Variants in DPP6 observed in about 807,000 individuals in gnomAD.
The protein encoded by DPP6 is dipeptidyl peptidase like 6.
In DPP6, 69 loss-of-function variants were observed where a neutral mutation model predicts 122.6. That is an observed-to-expected ratio of 0.56 (90% CI 0.46 to 0.69). The LOEUF (loss-of-function observed/expected upper bound fraction) is 0.69, where lower values mean the gene tolerates loss of function less well. DPP6 is among the 30% of genes least tolerant of loss of function. The pLI, the probability that DPP6 is intolerant of heterozygous loss-of-function variation, is 0.00. For synonymous variants in DPP6, 418 were observed against 433.1 expected, an observed-to-expected ratio of 0.97 and a Z score of 0.43; for missense variants, 928 against 1,116.9, an observed-to-expected ratio of 0.83 and a Z score of 2.41.
chr7:153,947,354 G>C (rs2129019316), intron 1 of DPP6, among the ~76,000 whole-genome samples: 1 of 152,302 alleles, frequency 6.6e-6, no homozygotes, highest in Non-Finnish European at 1.5e-5. Context: ...GGGAGGGTCT[G>C]TCTCAGGCCT....
intron 1 of DPP6, among the ~76,000 whole-genome samples, chr7:153,951,220 G>T (rs916903860): frequency 1.3e-5 from 2 of 152,190 alleles, no homozygotes; most frequent in East Asian, 3.9e-4. Flanking sequence ...GCTGAGAAGC[G>T]CATTGGAGGT....
chr7:153,772,497 A>T, the DPP6 span, among the ~76,000 whole-genome samples: 1 of 152,236 alleles, frequency 6.6e-6, no homozygotes, highest in African/African-American at 2.4e-5. Context: ...TAGGTTGATA[A>T]AAGAGATAAA....
chr7:154,872,542 C>T (rs969116470), intron 18 of DPP6, 82 bp from the exon 19 acceptor site: 16 of 1,524,610 alleles, frequency 1.0e-5, no homozygotes, highest in Non-Finnish European at 1.1e-5. Flanking sequence ...GCACCCTCAC[C>T]CCCACGGTCA....
At chr7:154,095,581 A>C (rs1805267927) in intron 1 of DPP6, 1 of 128,308 alleles carries the variant, frequency 7.8e-6, no homozygotes, top group African/African-American at 2.7e-5. Flanking sequence ...AAGCTTTAGC[A>C]GCTGGGCCTT....
intron 18 of DPP6, among the ~76,000 whole-genome samples, chr7:154,871,295 G>A (rs1182940164): frequency 6.6e-6 from 1 of 152,166 alleles, no homozygotes; most frequent in East Asian, 1.9e-4. Flanking sequence ...CTGTCCAGCA[G>A]GGGGTTTCCT....
At chr7:154,818,787 C>A (rs1799577827) in intron 16 of DPP6, among the ~76,000 whole-genome samples, 1 of 152,214 alleles carries the variant, frequency 6.6e-6, no homozygotes, top group East Asian at 1.9e-4. Flanking sequence ...TCTGTTCAGT[C>A]TCTCAAACAT....
At chr7:153,836,826 C>T in the DPP6 span, among the ~76,000 whole-genome samples, 4 of 152,168 alleles carry the variant, frequency 2.6e-5, no homozygotes, top group African/African-American at 4.8e-5. Context: ...CAGGGCTCTG[C>T]CCCATGAACA....
chr7:154,341,038 T>A (rs1381853539), intron 1 of DPP6, among the ~76,000 whole-genome samples: 1 of 152,212 alleles, frequency 6.6e-6, no homozygotes, highest in African/African-American at 2.4e-5. Context: ...AATTACATTC[T>A]CTAATGAATG....
At chr7:153,880,321 A>G in the DPP6 span, among the ~76,000 whole-genome samples, 1 of 152,250 alleles carries the variant, frequency 6.6e-6, no homozygotes, top group Admixed American at 6.5e-5. Flanking sequence ...ATAGATATGT[A>G]AAGTAATTTC....
At chr7:154,517,166 G>A (rs1365759427) in intron 3 of DPP6, among the ~76,000 whole-genome samples, 2 of 152,136 alleles carry the variant, frequency 1.3e-5, no homozygotes, top group Non-Finnish European at 2.9e-5. Flanking sequence ...AGCTCCCCTG[G>A]CAGGACTGGA....
intron 1 of DPP6, among the ~76,000 whole-genome samples, chr7:154,148,743 A>C (rs1796250750): frequency 6.6e-6 from 1 of 152,282 alleles, no homozygotes; most frequent in Non-Finnish European, 1.5e-5. Context: ...TAGGAATTTA[A>C]AATGCTTCCA....
At chr7:154,494,697 G>GA (rs1328062859) in intron 3 of DPP6, among the ~76,000 whole-genome samples, 1 of 152,084 alleles carries the variant, frequency 6.6e-6, no homozygotes, top group Non-Finnish European at 1.5e-5. Flanking sequence ...TTCTGCAAGA[G>GA]AAAAGACGCT....
intron 1 of DPP6, among the ~76,000 whole-genome samples, chr7:154,076,204 C>T (rs1367637770): frequency 2.6e-5 from 4 of 152,188 alleles, no homozygotes; most frequent in Admixed American, 1.3e-4. Flanking sequence ...AATCCCAGCG[C>T]TTTGGGAGGC....
Position 154,052,734 on chromosome 7 carries a change from A to C in DPP6, c.-87A>C. On this transcript the variant is annotated 5_prime_UTR_variant, in exon 1 of 26. Coordinates refer to ENST00000377770, the MANE Select transcript of DPP6 (RefSeq NM_130797.4). The surrounding 1 kb of genome is among the most constrained non-coding windows in gnomAD (Gnocchi z 4.8). The stretch of plus-strand genomic sequence containing the variant: ...CTCCCCACCGCCTTTTTTTTTTTTT[A>C]ATCTGGAGCGGGGTGGGGAGTGGGA... The C allele has an allele frequency of 8.2e-7, 1 of 1,216,372 alleles. No individual in the cohort carries two copies. The highest frequency in any genetic ancestry group is 1.0e-6 in the Non-Finnish European group (1 of 955,978). The allele number at this position is 1,216,372 out of a possible 1,614,324, so 75.3% of individuals were successfully genotyped here.
At chr7:154,484,011 T>A (rs573583011) in intron 3 of DPP6, among the ~76,000 whole-genome samples, 1 of 152,318 alleles carries the variant, frequency 6.6e-6, no homozygotes, top group East Asian at 1.9e-4. Context: ...ATTTTATTTA[T>A]GTTTGCAATT....
intron 10 of DPP6, among the ~76,000 whole-genome samples, chr7:154,776,382 C>G (rs1363135189): frequency 1.3e-5 from 2 of 152,170 alleles, no homozygotes; most frequent in East Asian, 3.9e-4. Context: ...AGCTCCTCCC[C>G]ACTTAGGTCC....
At chr7:153,806,486 G>T in the DPP6 span, among the ~76,000 whole-genome samples, 2,389 of 151,094 alleles carry the variant, frequency 0.016, 76 homozygotes, top group African/African-American at 0.056. Flanking sequence ...TACAGTGGGT[G>T]TGAGACTCAA....
chr7:154,236,485 G>C (rs1379873927), intron 1 of DPP6, among the ~76,000 whole-genome samples: 2 of 152,122 alleles, frequency 1.3e-5, no homozygotes, highest in Non-Finnish European at 2.9e-5. Context: ...TCTCAAAGTA[G>C]TTTAAATTCT....
intron 1 of DPP6, among the ~76,000 whole-genome samples, chr7:154,226,816 G>A (rs1446169592): frequency 6.6e-6 from 1 of 152,180 alleles, no homozygotes; most frequent in African/African-American, 2.4e-5. Context: ...GGGGCTTACA[G>A]TCAGGTGTCA....
Sources: allele counts gnomAD v4.1 joint callset (sites outside exome capture counted in the v4.1 genomes callset), GRCh38; gene constraint gnomAD v4.1.1; non-coding constraint Gnocchi (gnomAD v3.1); transcripts MANE v1.5; gene names NCBI Gene and HGNC (gene_info 2026-07-23, HGNC 2026-07-21).